Variants in SPRY3 observed in about 807,000 individuals in gnomAD.
The protein encoded by SPRY3 is protein sprouty homolog 3.
A neutral mutation model predicts 20.2 loss-of-function variants in SPRY3; 15 were observed. The observed-to-expected ratio is 0.74, with a 90% confidence interval of 0.50 to 1.14. The LOEUF (loss-of-function observed/expected upper bound fraction) is 1.14, where lower values mean the gene tolerates loss of function less well. Ranked by LOEUF, SPRY3 falls within the 50% of genes most tolerant of loss-of-function variation. The pLI is 0.00. For synonymous variants in SPRY3, 143 were observed against 136.5 expected (o/e 1.05, Z -0.33); for missense variants, 364 against 363.9 (o/e 1.00, Z 0.00).
At chrX:155,769,876 A>T (rs2091370507) in intron 3 of SPRY3, among the ~76,000 whole-genome samples, 1 of 152,190 alleles carries the variant, frequency 6.6e-6, no homozygotes, top group Non-Finnish European at 1.5e-5. Context: ...AGTAATGTAA[A>T]CTATATACAA....
rs749869644 is a variant in SPRY3 at position 155,720,669 on chromosome X, T to A, written c.-281-47293T>A. On this transcript the variant is annotated intron_variant, in intron 2 of 3. Coordinates refer to ENST00000675360, the Ensembl canonical transcript of SPRY3. ...GTTTCTGCCTAGTAATCTAGAGAATTCTTCCAGATCTTGTCCAAGACCATC... is the reference window on the plus strand; with the variant it reads ...GTTTCTGCCTAGTAATCTAGAGAATACTTCCAGATCTTGTCCAAGACCATC... Among the ~76,000 whole-genome samples, 11 of 152,246 alleles carry A rather than the reference T, an allele frequency of 7.2e-5. No homozygotes were observed. In the South Asian group the frequency reaches 2.3e-3, roughly 32 times the overall value.
chrX:155,644,873 C>T (rs782466436), intron 1 of SPRY3, among the ~76,000 whole-genome samples: 1 of 111,222 alleles, frequency 9.0e-6, no homozygotes, highest in Non-Finnish European at 1.9e-5. Flanking sequence ...GACAAGTCCC[C>T]TTTACTTTTC....
At chrX:155,760,425 T>G (rs1340089852) in intron 2 of SPRY3, among the ~76,000 whole-genome samples, 1 of 152,188 alleles carries the variant, frequency 6.6e-6, no homozygotes, top group Non-Finnish European at 1.5e-5. Context: ...TTGAAGTACA[T>G]TAAACTTAGG....
exon 4 of SPRY3, chrX:155,776,595 C>G (rs138154931): frequency 1.2e-5 from 2 of 167,164 alleles, no homozygotes; most frequent in East Asian, 3.9e-4. Flanking sequence ...AATTCACTGA[C>G]GAATTCAGAG....
chrX:155,763,473 A>G (rs1479814005), intron 2 of SPRY3, among the ~76,000 whole-genome samples: 1 of 152,080 alleles, frequency 6.6e-6, no homozygotes, highest in Admixed American at 6.5e-5. Context: ...TATCATGCCC[A>G]GTGTATCTTT....
At position 155,616,744 on chromosome X, in the gene SPRY3, G is replaced by A. The variant is rs782225000; in HGVS notation, c.-441+4097G>A. On this transcript the variant is annotated intron_variant, in intron 1 of 3. Transcript: ENST00000675360. ...ACCAATCAACTGTAGCTAGGTGAGC[G>A]ATGTCACATATACCAAAGGATAATT... Among the ~76,000 whole-genome samples the A allele has an allele frequency of 1.5e-4, 17 of 110,883 alleles. 1 individual carries two copies. Among genetic ancestry groups the A allele is most frequent in the Non-Finnish European group, 5.7e-5 (3 of 52,936 alleles).
At chrX:155,752,309 A>C (rs1403695638) in intron 2 of SPRY3, among the ~76,000 whole-genome samples, 3 of 151,730 alleles carry the variant, frequency 2.0e-5, no homozygotes, top group African/African-American at 7.3e-5. Context: ...AAATCATCAA[A>C]AGATAAGAAA....
intron 2 of SPRY3, among the ~76,000 whole-genome samples, chrX:155,733,825 G>A (rs1457029365): frequency 6.6e-6 from 1 of 152,102 alleles, no homozygotes; most frequent in East Asian, 1.9e-4. Context: ...AGCACTTGCT[G>A]CTTCACCTTG....
chrX:155,766,155 A>G (rs1602999278), intron 2 of SPRY3, among the ~76,000 whole-genome samples: 1 of 152,218 alleles, frequency 6.6e-6, no homozygotes, highest in Non-Finnish European at 1.5e-5. Flanking sequence ...GCACGCATGC[A>G]CACACACATA....
chrX:155,662,233 G>A (rs1220337310), intron 2 of SPRY3, among the ~76,000 whole-genome samples: 2 of 110,817 alleles, frequency 1.8e-5, no homozygotes, highest in Non-Finnish European at 3.8e-5. Context: ...CCCCTTGAGT[G>A]TGTGACTGTA....
chrX:155,746,518 A>G (rs984974781), intron 2 of SPRY3, among the ~76,000 whole-genome samples: 2 of 152,036 alleles, frequency 1.3e-5, no homozygotes, highest in Non-Finnish European at 2.9e-5. Context: ...TAAATTTTCA[A>G]CAGTAACCTA....
chrX:155,693,970 C>A (rs892701452), intron 2 of SPRY3, among the ~76,000 whole-genome samples: 5 of 111,281 alleles, frequency 4.5e-5, no homozygotes, highest in South Asian at 7.6e-4. Context: ...CCACACCTGG[C>A]TAATTTTTAT....
At chrX:155,733,593 C>A (rs574942917) in intron 2 of SPRY3, among the ~76,000 whole-genome samples, 1 of 151,988 alleles carries the variant, frequency 6.6e-6, no homozygotes, top group East Asian at 1.9e-4. Context: ...GATAAATGAC[C>A]ATTGGCTTCA....
At chrX:155,766,371 A>G (rs2091329902) in intron 2 of SPRY3, among the ~76,000 whole-genome samples, 1 of 152,182 alleles carries the variant, frequency 6.6e-6, no homozygotes, top group African/African-American at 2.4e-5. Flanking sequence ...ATGTTAATGT[A>G]AAAATTGACA....
At chrX:155,768,666 T>C (rs1158354720) in intron 3 of SPRY3, among the ~76,000 whole-genome samples, 2 of 152,134 alleles carry the variant, frequency 1.3e-5, no homozygotes, top group East Asian at 1.9e-4. Flanking sequence ...CCCACTTACA[T>C]TGAGTCAGAG....
chrX:155,767,963 A>C (rs1015596602), exon 3 of SPRY3: 2 of 152,390 alleles, frequency 1.3e-5, no homozygotes, highest in African/African-American at 4.8e-5. Context: ...GTGTCAAAGA[A>C]CAAGACAGAA....
chrX:155,668,956 CACT>C (rs1246070237), intron 2 of SPRY3, among the ~76,000 whole-genome samples: 1 of 110,860 alleles, frequency 9.0e-6, no homozygotes, highest in Non-Finnish European at 1.9e-5. Flanking sequence ...CAATAAGTTC[CACT>C]GAAATGTGAA....
chrX:155,719,206 T>C (rs1253581661), intron 2 of SPRY3, among the ~76,000 whole-genome samples: 2 of 152,128 alleles, frequency 1.3e-5, no homozygotes, highest in Non-Finnish European at 1.5e-5. Flanking sequence ...CGTGCTGTCC[T>C]GTTATAGCAG....
rs1227280700 is a variant in SPRY3 at position 155,727,902 on chromosome X, G to A, written c.-281-40060G>A. ...GGCACTCTGATTTTTAGAATTTTCA[G>A]CTTTTCTGCTCTGGTTTCTCCCCAT... On this transcript the variant is annotated intron_variant, in intron 2 of 3. Coordinates refer to ENST00000675360, the Ensembl canonical transcript of SPRY3. Among the ~76,000 whole-genome samples, 4 of 152,118 alleles carry A rather than the reference G, an allele frequency of 2.6e-5. No individual in the cohort carries two copies. In the East Asian group the frequency reaches 7.7e-4, roughly 29 times the overall value.
Sources: allele counts gnomAD v4.1 joint callset (sites outside exome capture counted in the v4.1 genomes callset), GRCh38; gene constraint gnomAD v4.1.1; transcripts MANE v1.5; gene names NCBI Gene and HGNC (gene_info 2026-07-23, HGNC 2026-07-21).